Variants in CEACAM20 observed in about 807,000 individuals in gnomAD.
CEACAM20 encodes the protein CEA cell adhesion molecule 20.
A neutral mutation model predicts 61.2 loss-of-function variants in CEACAM20; 50 were observed. The ratio of observed to expected loss-of-function variants is 0.82; its 90% CI spans 0.65 to 1.03. The LOEUF (loss-of-function observed/expected upper bound fraction) is 1.03. CEACAM20 is among the 50% of genes least tolerant of loss of function. CEACAM20 has a pLI of 0.00. For missense variants in CEACAM20, 683 were observed against 736.4 expected, an observed-to-expected ratio of 0.93 and a Z score of 0.84; for synonymous variants, 282 against 287.7, an observed-to-expected ratio of 0.98 and a Z score of 0.20.
In CEACAM20 at chr19:44,529,085, C is replaced by A. The variant is rs1971630876; in HGVS notation, c.52+373G>T. On this transcript the variant is annotated intron_variant, in intron 1 of 11. Transcript: ENST00000614924. ...GTTCAAGTGATTCTCCTACCTCAGC[C>A]TCCCAAATAGCTGGGACTATAGGAG... 4.0e-5 allele frequency among the ~76,000 whole-genome samples: 6 copies of A among 151,330 alleles called. No individual in the cohort carries two copies. In the South Asian group the frequency reaches 1.3e-3, roughly 32 times the overall value.
Sources: allele counts gnomAD v4.1 joint callset (sites outside exome capture counted in the v4.1 genomes callset), GRCh38; gene constraint gnomAD v4.1.1; transcripts MANE v1.5; gene names NCBI Gene and HGNC (gene_info 2026-07-23, HGNC 2026-07-21).